Variants in ADGRV1 observed in about 807,000 individuals in gnomAD.
The protein encoded by ADGRV1 is G-protein coupled receptor 98.
Under a neutral mutation model 596.2 loss-of-function variants are expected in ADGRV1, and 359 were observed. The ratio of observed to expected loss-of-function variants is 0.60; its 90% CI spans 0.55 to 0.66. The LOEUF (loss-of-function observed/expected upper bound fraction) is 0.66. Ranked by LOEUF, ADGRV1 falls within the 30% of genes least tolerant of loss-of-function variation. The pLI, the probability that ADGRV1 is intolerant of heterozygous loss-of-function variation, is 0.00. For missense variants in ADGRV1, 7,274 were observed against 7,575.6 expected, an observed-to-expected ratio of 0.96 and a Z score of 1.48; for synonymous variants, 2,681 against 2,679.2, an observed-to-expected ratio of 1.00 and a Z score of -0.02.
In ADGRV1 at chr5:90,622,516, C is replaced by T. The variant is rs115936618; in HGVS notation, c.454-81C>T. 1.2e-3 allele frequency: 563 copies of T among 472,496 alleles called. 3 individuals carry two copies. Among genetic ancestry groups the T allele is most frequent in the African/African-American group, 0.01 (503 of 49,548 alleles). 29.3% of individuals were successfully genotyped at this position (472,496 alleles called of 1,614,324 possible). On this transcript the variant is annotated intron_variant, in intron 4 of 89. Transcript: ENST00000405460. ...GATTGATGTGTCTGTGGAAATTGAGCGTTTCTGAGGTAATAGTTTTTACCG... is the reference window on the plus strand; with the variant it reads ...GATTGATGTGTCTGTGGAAATTGAGTGTTTCTGAGGTAATAGTTTTTACCG...
intron 83 of ADGRV1, among the ~76,000 whole-genome samples, chr5:90,919,780 A>G (rs1263020542): frequency 6.6e-6 from 1 of 152,106 alleles, no homozygotes; most frequent in African/African-American, 2.4e-5. Flanking sequence ...GGATCACCTG[A>G]GGTCAGGAGT....
At chr5:90,767,542 C>T (rs868225197) in intron 59 of ADGRV1, among the ~76,000 whole-genome samples, 1 of 152,114 alleles carries the variant, frequency 6.6e-6, no homozygotes. Flanking sequence ...AGCAGATATA[C>T]AGCAGATATA....
intron 75 of ADGRV1, among the ~76,000 whole-genome samples, chr5:90,817,729 TGCG>T (rs1244155314): frequency 1.3e-5 from 2 of 152,162 alleles, no homozygotes; most frequent in African/African-American, 2.4e-5. Flanking sequence ...GTTGTAGATA[TGCG>T]GCGTTACTTC....
At chr5:91,078,878 T>C (rs1789083042) in intron 86 of ADGRV1, among the ~76,000 whole-genome samples, 1 of 152,230 alleles carries the variant, frequency 6.6e-6, no homozygotes, top group Non-Finnish European at 1.5e-5. Flanking sequence ...TGCTAGCTTA[T>C]TTGAAGCAGT....
intron 21 of ADGRV1, among the ~76,000 whole-genome samples, chr5:90,669,023 A>C (rs545195585): frequency 5.3e-4 from 80 of 152,210 alleles, no homozygotes; most frequent in Non-Finnish European, 1.0e-3. Flanking sequence ...CTTGCTGAAA[A>C]GGGAAAAGAT....
chr5:90,783,792 C>G (rs767016820), intron 66 of ADGRV1, 46 bp from the exon 67 acceptor site: 1 of 1,411,920 alleles, frequency 7.1e-7, no homozygotes, highest in Admixed American at 2.1e-5. Flanking sequence ...TTTACAAGCA[C>G]TTTAATATGT....
At chr5:90,848,087 GT>G (rs531418342) in intron 78 of ADGRV1, among the ~76,000 whole-genome samples, 2 of 151,424 alleles carry the variant, frequency 1.3e-5, no homozygotes, top group South Asian at 2.1e-4. Flanking sequence ...AAATAACCCA[GT>G]TTTTTTTTAG....
chr5:90,670,200 C>T (rs1042400537), intron 21 of ADGRV1, among the ~76,000 whole-genome samples: 11 of 152,248 alleles, frequency 7.2e-5, no homozygotes, highest in Middle Eastern at 3.4e-3. Context: ...TACCCAAAAC[C>T]TGTGACTGAT....
intron 48 of ADGRV1, among the ~76,000 whole-genome samples, chr5:90,728,188 T>G (rs17553041): frequency 0.017 from 2,624 of 152,328 alleles, 28 homozygotes; most frequent in Non-Finnish European, 0.027. Context: ...TATGAACACT[T>G]ACCCTGAAAA....
chr5:90,763,472 A>G lies in ADGRV1; in HGVS notation c.12285+3A>G. The G allele has an allele frequency of 1.9e-6, 3 of 1,604,328 alleles. No individual in the cohort carries two copies. The highest frequency in any genetic ancestry group is 2.2e-5 in the East Asian group (1 of 44,698). On this transcript the variant is annotated splice_donor_region_variant and intron_variant, in intron 59 of 89. Transcript: ENST00000405460. The stretch of plus-strand genomic sequence containing the variant: ...ATGGGACCCTTCATTTTGATGAGGT[A>G]TAGTCAGCATTAGCACTCCTGTAAT...
chr5:91,069,167 T>C (rs1308601279), intron 85 of ADGRV1, among the ~76,000 whole-genome samples: 2 of 152,028 alleles, frequency 1.3e-5, no homozygotes, highest in Non-Finnish European at 2.9e-5. Context: ...CTTAACTGTA[T>C]AACCTACAAC....
intron 85 of ADGRV1, among the ~76,000 whole-genome samples, chr5:91,029,583 A>C (rs2151221199): frequency 6.6e-6 from 1 of 152,304 alleles, no homozygotes; most frequent in Middle Eastern, 3.4e-3. Context: ...ATTTAAACAT[A>C]ACCAGCCATG....
At chr5:91,085,199 G>A (rs1429919383) in intron 86 of ADGRV1, among the ~76,000 whole-genome samples, 1 of 152,078 alleles carries the variant, frequency 6.6e-6, no homozygotes, top group Non-Finnish European at 1.5e-5. Flanking sequence ...TGCACGTTGT[G>A]CACATGTACC....
At chr5:90,903,124 A>G (rs1772002345) in intron 83 of ADGRV1, among the ~76,000 whole-genome samples, 1 of 152,066 alleles carries the variant, frequency 6.6e-6, no homozygotes, top group South Asian at 2.1e-4. Context: ...TGATTTATTT[A>G]CTTAGTGTCT....
In ADGRV1 at chr5:90,653,835, G is replaced by C; in HGVS notation, c.4261G>C (p.Glu1421Gln). The C allele has an allele frequency of 6.2e-7, 1 of 1,612,694 alleles. No individual in the cohort carries two copies. Among genetic ancestry groups the C allele is most frequent in the East Asian group, 2.2e-5 (1 of 44,854 alleles). ...GACAACAGTCATGAAATATTTAGAA[G>C]AAAGTGTTTGGCTTCATCTACTAAT... ...AKTTVMKYLEESVWLHLLIIL... is the reference protein window; with the variant it reads ...AKTTVMKYLEQSVWLHLLIIL... The change falls in exon 20 of 90, where the codon GAA becomes CAA. Residue 1421 changes from glutamate to glutamine, a missense_variant. Coordinates refer to ENST00000405460, the MANE Select transcript of ADGRV1 (RefSeq NM_032119.4).
intron 86 of ADGRV1, among the ~76,000 whole-genome samples, chr5:91,080,772 T>C (rs183705344): frequency 2.7e-4 from 41 of 152,222 alleles, no homozygotes; most frequent in African/African-American, 8.2e-4. Context: ...TTTCGTACAG[T>C]TGTGTGAAAG....
chr5:90,635,062 AAATTTATATTCTATC>A (rs1488847056), intron 9 of ADGRV1, 37 bp from the exon 10 acceptor site: 7 of 1,257,262 alleles, frequency 5.6e-6, no homozygotes, highest in African/African-American at 1.5e-5. Flanking sequence ...CTTTTTTAAA[AAATTTATATTCTATC>A]AATTCTTACT....
intron 70 of ADGRV1, among the ~76,000 whole-genome samples, chr5:90,797,287 C>CAAAAAAAAAA (rs780696194): frequency 1.4e-3 from 37 of 26,356 alleles, no homozygotes; most frequent in African/African-American, 2.4e-3. Context: ...AAATGAAAAG[C>CAAAAAAAAAA]AAAAAAAAAA....
At chr5:90,653,157 C>G (rs1197029223) in intron 19 of ADGRV1, 52 bp from the exon 20 acceptor site, 10 of 1,466,618 alleles carry the variant, frequency 6.8e-6, no homozygotes, top group Admixed American at 4.9e-5. Flanking sequence ...TCACATTATA[C>G]TAGAAAGTAC....
Sources: allele counts gnomAD v4.1 joint callset (sites outside exome capture counted in the v4.1 genomes callset), GRCh38; gene constraint gnomAD v4.1.1; transcripts MANE v1.5; gene names NCBI Gene and HGNC (gene_info 2026-07-23, HGNC 2026-07-21).